Variants in DCC observed in about 807,000 individuals in gnomAD.
The protein encoded by DCC is netrin receptor DCC.
Under a neutral mutation model 172.5 loss-of-function variants are expected in DCC, and 58 were observed. The observed-to-expected ratio is 0.34, with a 90% CI of 0.27 to 0.42. The LOEUF (loss-of-function observed/expected upper bound fraction) is 0.42, where lower values mean the gene tolerates loss of function less well. Among genes scored for constraint, DCC ranks in the 10% least tolerant of loss-of-function variants. The pLI, the probability that DCC is intolerant of heterozygous loss-of-function variation, is 1.00. For missense variants in DCC, 1,740 were observed against 1,791.0 expected, an observed-to-expected ratio of 0.97 and a Z score of 0.51; for synonymous variants, 709 against 644.5, an observed-to-expected ratio of 1.10 and a Z score of -1.52.
chr18:52,510,687 A>AT (rs1409165852), intron 1 of DCC, among the ~76,000 whole-genome samples: 1 of 152,142 alleles, frequency 6.6e-6, no homozygotes. Flanking sequence ...ACAACAATAT[A>AT]TTTTTGTGAA....
chr18:52,424,343 A>G (rs1365075770), intron 1 of DCC, among the ~76,000 whole-genome samples: 1 of 152,080 alleles, frequency 6.6e-6, no homozygotes, highest in East Asian at 1.9e-4. Flanking sequence ...CAGAACCAGC[A>G]CCTTTCTAAC....
chr18:52,419,189 C>T (rs973464770), intron 1 of DCC: 1 of 152,194 alleles, frequency 6.6e-6, no homozygotes, highest in African/African-American at 2.4e-5. Flanking sequence ...TTGCTGATCA[C>T]TCGCCAGTCA....
chr18:52,417,199 C>A (rs543387614), intron 1 of DCC, among the ~76,000 whole-genome samples: 1 of 152,078 alleles, frequency 6.6e-6, no homozygotes, highest in African/African-American at 2.4e-5. Flanking sequence ...TGAATATTGG[C>A]CCCCACTCTC....
chr18:52,868,449 G>A (rs1344916199), intron 2 of DCC, among the ~76,000 whole-genome samples: 1 of 152,098 alleles, frequency 6.6e-6, no homozygotes, highest in Non-Finnish European at 1.5e-5. Flanking sequence ...CTACAAATTT[G>A]TGGAGTGCTG....
At position 52,969,583 on chromosome 18, in the gene DCC, C is replaced by A. The variant is rs1018968936; in HGVS notation, c.985+44213C>A. Among the ~76,000 whole-genome samples the A allele has an allele frequency of 6.9e-4, 21 of 30,656 alleles. No individual in the cohort carries two copies. The East Asian group carries it at 0.013, about 19-fold the overall frequency. 20.1% of individuals were successfully genotyped at this position (30,656 alleles called of 152,430 possible). ...CAATTTCCTTATTTGCCCCGCCCCC[C>A]ACTCTCTCTCTCTCTCTCTCTCTCT... On this transcript the variant is annotated intron_variant, in intron 5 of 28. Transcript: ENST00000442544.
At chr18:52,843,283 G>A (rs189609603) in intron 2 of DCC, among the ~76,000 whole-genome samples, 1 of 152,146 alleles carries the variant, frequency 6.6e-6, no homozygotes, top group East Asian at 1.9e-4. Context: ...TAGCTTTAAG[G>A]GTATATGAAT....
chr18:53,026,744 T>C (rs965353596), intron 5 of DCC, among the ~76,000 whole-genome samples: 8 of 151,958 alleles, frequency 5.3e-5, no homozygotes, highest in Admixed American at 4.6e-4. Context: ...TTATTTTTTT[T>C]TATAGAAACA....
At chr18:52,403,165 A>C (rs1218909670) in intron 1 of DCC, among the ~76,000 whole-genome samples, 2 of 152,026 alleles carry the variant, frequency 1.3e-5, no homozygotes, top group Non-Finnish European at 2.9e-5. Flanking sequence ...AGTAAAGTTT[A>C]CCGTATGTTT....
At chr18:52,543,309 T>C in intron 1 of DCC, among the ~76,000 whole-genome samples, 1 of 152,198 alleles carries the variant, frequency 6.6e-6, no homozygotes, top group East Asian at 1.9e-4. Flanking sequence ...CAATATATAA[T>C]TATTAATAAG....
chr18:52,848,797 G>A (rs919636293), intron 2 of DCC, among the ~76,000 whole-genome samples: 8 of 152,136 alleles, frequency 5.3e-5, no homozygotes, highest in Non-Finnish European at 1.0e-4. Flanking sequence ...TATGTTAAGT[G>A]ATTTTTAGAC....
At chr18:52,423,197 A>G (rs572239673) in intron 1 of DCC, among the ~76,000 whole-genome samples, 28 of 152,300 alleles carry the variant, frequency 1.8e-4, no homozygotes, top group Non-Finnish European at 3.2e-4. Flanking sequence ...GTGGCTAACA[A>G]TCCTCATTGA....
At chr18:52,671,719 T>TACAAAA (rs1213436711) in intron 1 of DCC, among the ~76,000 whole-genome samples, 1 of 151,752 alleles carries the variant, frequency 6.6e-6, no homozygotes, top group Non-Finnish European at 1.5e-5. Context: ...TTTGTATTTT[T>TACAAAA]AGTAGAGAGA....
chr18:52,830,193 C>T (rs767646313), intron 2 of DCC, among the ~76,000 whole-genome samples: 2 of 152,214 alleles, frequency 1.3e-5, no homozygotes, highest in South Asian at 2.1e-4. Context: ...TTGTCCAACT[C>T]GCGGCCCCAT....
intron 7 of DCC, among the ~76,000 whole-genome samples, chr18:53,088,567 G>A (rs1344139613): frequency 6.6e-6 from 1 of 151,982 alleles, no homozygotes; most frequent in Non-Finnish European, 1.5e-5. Flanking sequence ...ACTAAAATAA[G>A]AGCAGAACTG....
intron 7 of DCC, among the ~76,000 whole-genome samples, chr18:53,082,810 C>A (rs1326709431): frequency 6.6e-6 from 1 of 152,028 alleles, no homozygotes; most frequent in Non-Finnish European, 1.5e-5. Flanking sequence ...GATTAGTTAA[C>A]TAGGATTTAT....
chr18:52,411,855 C>T lies in DCC; in HGVS notation c.91+70977C>T, dbSNP rs543300257. Among the ~76,000 whole-genome samples, 4 of 152,248 alleles carry T rather than the reference C, an allele frequency of 2.6e-5. No homozygotes were observed. In the East Asian group the frequency reaches 7.7e-4, roughly 29 times the overall value. On this transcript the variant is annotated intron_variant, in intron 1 of 28. Coordinates refer to ENST00000442544, the MANE Select transcript of DCC (RefSeq NM_005215.4). The stretch of plus-strand genomic sequence containing the variant: ...TTAAAATATTGGGCTTACCTGTCCC[C>T]AACCTCATTGTCAAGCCACAAGCAA...
chr18:52,832,058 T>G lies in DCC; in HGVS notation c.413-73986T>G, dbSNP rs115952178. ...ATCTGCAATGGAAATAGTTTAAACT[T>G]TTTTCAGACTGGTGGGTTATTTAGC... On this transcript the variant is annotated intron_variant, in intron 2 of 28. Transcript: ENST00000442544. Among the ~76,000 whole-genome samples the G allele has an allele frequency of 3.8e-3, 572 of 152,304 alleles. 8 individuals are homozygous for G. Among genetic ancestry groups the G allele is most frequent in the African/African-American group, 0.013 (544 of 41,536 alleles).
intron 19 of DCC, among the ~76,000 whole-genome samples, chr18:53,404,073 T>A (rs1281556851): frequency 6.6e-6 from 1 of 152,180 alleles, no homozygotes; most frequent in Non-Finnish European, 1.5e-5. Context: ...CCAATTTTCT[T>A]TTTTTCCCCC....
chr18:52,489,630 A>C (rs563056721), intron 1 of DCC, among the ~76,000 whole-genome samples: 1 of 152,058 alleles, frequency 6.6e-6, no homozygotes. Flanking sequence ...CTTTGTTGCT[A>C]TTTTATCCAC....
Sources: allele counts gnomAD v4.1 joint callset (sites outside exome capture counted in the v4.1 genomes callset), GRCh38; gene constraint gnomAD v4.1.1; transcripts MANE v1.5; gene names NCBI Gene and HGNC (gene_info 2026-07-23, HGNC 2026-07-21).